CACHD1: variants seen among roughly 807,000 people sequenced by gnomAD.
CACHD1 encodes cache domain containing 1, also known as VWFA and cache domain-containing protein 1.
Under a neutral mutation model 138.7 loss-of-function variants are expected in CACHD1, and 71 were observed. That is an observed-to-expected ratio of 0.51 (90% confidence interval 0.42 to 0.62). CACHD1 has a LOEUF of 0.62. Ranked by LOEUF, CACHD1 falls within the 20% of genes least tolerant of loss-of-function variation. CACHD1 has a pLI of 0.00. For synonymous variants in CACHD1, 578 were observed against 591.5 expected, an observed-to-expected ratio of 0.98 and a Z score of 0.33; for missense variants, 1,389 against 1,625.3, an observed-to-expected ratio of 0.85 and a Z score of 2.50.
intron 3 of CACHD1, among the ~76,000 whole-genome samples, chr1:64,586,062 G>A (rs745788248): frequency 5.3e-5 from 8 of 152,108 alleles, no homozygotes; most frequent in Non-Finnish European, 7.4e-5. Context: ...TTCAGTTCAC[G>A]CCTTCCTTTT....
At chr1:64,511,814 C>T (rs920482876) in intron 1 of CACHD1, among the ~76,000 whole-genome samples, 2 of 152,050 alleles carry the variant, frequency 1.3e-5, no homozygotes, top group Non-Finnish European at 2.9e-5. Flanking sequence ...CAATTGCCTT[C>T]CTTTGAACTA....
At chr1:64,595,590 A>G (rs1647143902) in intron 3 of CACHD1, among the ~76,000 whole-genome samples, 1 of 152,272 alleles carries the variant, frequency 6.6e-6, no homozygotes, top group African/African-American at 2.4e-5. Flanking sequence ...GTCTTTCTTC[A>G]TGTGCCCCAG....
chr1:64,472,675 TA>T (rs1318703082), intron 1 of CACHD1, among the ~76,000 whole-genome samples: 4 of 152,192 alleles, frequency 2.6e-5, no homozygotes, highest in East Asian at 1.9e-4. Context: ...AAACTAGGAT[TA>T]AAAAAACAGT....
chr1:64,556,124 G>A (rs1246984469), intron 2 of CACHD1, among the ~76,000 whole-genome samples: 1 of 152,106 alleles, frequency 6.6e-6, no homozygotes, highest in Admixed American at 6.5e-5. Context: ...AAAGTAAAAG[G>A]TCAAGGTCTC....
At chr1:64,658,414 A>T (rs934471713) in intron 12 of CACHD1, among the ~76,000 whole-genome samples, 9 of 152,238 alleles carry the variant, frequency 5.9e-5, no homozygotes, top group African/African-American at 2.2e-4. Context: ...ACATTAGCAA[A>T]AAAAGACTAG....
At position 64,678,198 on chromosome 1, in the gene CACHD1, G is replaced by A. The variant is rs1461939720; in HGVS notation, c.3132G>A (p.Val1044=). The change falls in exon 23 of 27, where the codon GTG becomes GTA. Residue 1044 remains valine (V), a synonymous_variant. Coordinates refer to ENST00000651257, the MANE Select transcript of CACHD1 (RefSeq NM_020925.4). The part of the protein sequence containing the change: ...FGVLDCEWCM[V]DSDGKTHLDK... ...TGCTGGATTGTGAATGGTGCATGGT[G>A]GACAGTGATGGAAAGACTCACCTGG... 1.9e-6 allele frequency: 3 copies of A among 1,612,510 alleles called. No homozygotes were observed. The highest frequency in any genetic ancestry group is 4.5e-5 in the East Asian group (2 of 44,806).
chr1:64,638,910 A>G (rs1322221843), intron 7 of CACHD1, among the ~76,000 whole-genome samples: 3 of 152,204 alleles, frequency 2.0e-5, no homozygotes, highest in East Asian at 3.8e-4. Flanking sequence ...TCTTGAGGAT[A>G]AGGTGGGAAT....
At chr1:64,682,252 T>C in intron 26 of CACHD1, 146 bp downstream of exon 26, 1 of 687,580 alleles carries the variant, frequency 1.5e-6, no homozygotes, top group Admixed American at 2.5e-5. Context: ...ACAGTTTTAC[T>C]TATGTCTCAG....
chr1:64,666,250 A>C, intron 16 of CACHD1, 83 bp downstream of exon 16: 7 of 807,876 alleles, frequency 8.7e-6, no homozygotes, highest in Non-Finnish European at 1.2e-5. Context: ...TACGCGCACC[A>C]AGGCTTAGAG....
rs530009373 is a variant in CACHD1, at chr1:64,673,065, T to C, written c.2511-93T>C. 1.1e-3 allele frequency: 1,189 copies of C among 1,058,268 alleles called. 22 individuals carry two copies. In the South Asian group the frequency reaches 0.015, roughly 13 times the overall value. The allele number at this position is 1,058,268 out of a possible 1,614,324, so 65.6% of individuals were successfully genotyped here. ...GAGAACCTGGGATAAATGCAGTTTG[T>C]TTCAGGGCTAGCAAGATAAATGCTC... is the stretch of plus-strand genomic sequence containing the variant. On this transcript the variant is annotated intron_variant, in intron 17 of 26. Transcript: ENST00000651257.
chr1:64,624,140 A>G (rs767573375), intron 4 of CACHD1, among the ~76,000 whole-genome samples: 1 of 152,212 alleles, frequency 6.6e-6, no homozygotes, highest in African/African-American at 2.4e-5. Flanking sequence ...CCTCATTACC[A>G]TCATATCCAT....
intron 10 of CACHD1, among the ~76,000 whole-genome samples, chr1:64,653,208 A>G (rs1180066566): frequency 1.3e-5 from 2 of 152,182 alleles, no homozygotes; most frequent in Middle Eastern, 3.4e-3. Flanking sequence ...AGAGGAGGAC[A>G]ACAGATACTG....
intron 1 of CACHD1, among the ~76,000 whole-genome samples, chr1:64,535,833 TGTG>T (rs1230847372): frequency 6.6e-6 from 1 of 152,198 alleles, no homozygotes; most frequent in African/African-American, 2.4e-5. Flanking sequence ...TGGACTCATC[TGTG>T]GTGGTGGGGG....
intron 19 of CACHD1, 22 bp from the exon 20 acceptor site, chr1:64,675,379 T>C: frequency 1.9e-6 from 3 of 1,544,714 alleles, no homozygotes; most frequent in Non-Finnish European, 2.7e-6. Flanking sequence ...CTGTCATTTC[T>C]GATACCTTGA....
At position 64,641,809 on chromosome 1, in the gene CACHD1, T is replaced by G; in HGVS notation, c.1007-11T>G. The G allele has an allele frequency of 6.5e-7, 1 of 1,541,622 alleles. No homozygotes were observed. Among genetic ancestry groups the G allele is most frequent in the Non-Finnish European group, 8.7e-7 (1 of 1,151,818 alleles). On this transcript the variant is annotated splice_polypyrimidine_tract_variant and intron_variant, in intron 7 of 26. Transcript: ENST00000651257. The stretch of plus-strand genomic sequence containing the variant: ...CCAAAGAGAGCATTCAATTGATGTG[T>G]TTTTGTTTAGATACAGACATGGTCA...
chr1:64,631,048 C>A (rs1251080755), intron 5 of CACHD1, among the ~76,000 whole-genome samples: 1 of 152,194 alleles, frequency 6.6e-6, no homozygotes, highest in Non-Finnish European at 1.5e-5. Context: ...GACATAGCAA[C>A]ACAAGAAAGG....
chr1:64,483,319 G>A (rs1646221840), intron 1 of CACHD1, among the ~76,000 whole-genome samples: 1 of 152,100 alleles, frequency 6.6e-6, no homozygotes, highest in Admixed American at 6.5e-5. Context: ...TATCCTAGAG[G>A]TTAGACTTCA....
intron 1 of CACHD1, among the ~76,000 whole-genome samples, chr1:64,474,264 CAGT>C (rs986902437): frequency 1.3e-5 from 2 of 152,084 alleles, no homozygotes; most frequent in Admixed American, 1.3e-4. Context: ...GGTCTGGGAG[CAGT>C]AAGTGGCTGT....
chr1:64,580,100 G>A (rs941298841), intron 2 of CACHD1, among the ~76,000 whole-genome samples: 48 of 152,190 alleles, frequency 3.2e-4, no homozygotes, highest in African/African-American at 7.2e-4. Flanking sequence ...TAAAAACCAC[G>A]TTAACACGTT....
Sources: gnomAD v4.1 joint callset for allele counts (sites outside exome capture counted in the v4.1 genomes callset) on GRCh38, gnomAD v4.1.1 for gene constraint, MANE v1.5 for transcripts, NCBI Gene and HGNC (gene_info 2026-07-23, HGNC 2026-07-21) for gene names.